Variants in CBLB observed in about 807,000 individuals in gnomAD.
CBLB encodes the protein E3 ubiquitin-protein ligase CBL-B.
In CBLB, 31 loss-of-function variants were observed where a neutral mutation model predicts 104.9. The ratio of observed to expected loss-of-function variants is 0.30; its 90% CI spans 0.22 to 0.40. The LOEUF is 0.40. Ranked by LOEUF, CBLB falls within the 10% of genes least tolerant of loss-of-function variation. CBLB has a pLI of 1.00. For missense variants in CBLB, 1,062 were observed against 1,214.6 expected, an observed-to-expected ratio of 0.87 and a Z score of 1.87; for synonymous variants, 440 against 422.6, an observed-to-expected ratio of 1.04 and a Z score of -0.51.
intron 18 of CBLB, among the ~76,000 whole-genome samples, chr3:105,664,048 C>T (rs373842782): frequency 6.6e-6 from 1 of 151,864 alleles, no homozygotes. Flanking sequence ...TATTTTGCCA[C>T]AAAAAGTCTT....
chr3:105,783,856 T>C (rs1410585182), intron 3 of CBLB, among the ~76,000 whole-genome samples: 9 of 152,200 alleles, frequency 5.9e-5, no homozygotes, highest in African/African-American at 2.2e-4. Flanking sequence ...GTCATTCACA[T>C]GGATTTTGAA....
rs563610031 is a variant in CBLB, at chr3:105,711,732, A to AT, written c.1408-7560dup. ...GAAAGTCCTCTGAAGTAGGAGGAAC[A>AT]TTTTTTTTTCTACTTCTTAATACAG... On this transcript the variant is annotated intron_variant, in intron 10 of 18. Coordinates refer to ENST00000394030, the MANE Select transcript of CBLB (RefSeq NM_170662.5). Among the ~76,000 whole-genome samples, 582 of 151,428 alleles carry AT rather than the reference A, an allele frequency of 3.8e-3. 2 individuals carry two copies. Among genetic ancestry groups the AT allele is most frequent in the African/African-American group, 0.013 (525 of 41,342 alleles).
Position 105,809,537 on chromosome 3 carries a change from A to G in CBLB, c.420-32995T>C, listed in dbSNP as rs577766529. ...TACATACAGTCTACCAAGAATCACAAGCAAAACAATAACCTCATTACCATC... is the reference window on the plus strand; with the variant it reads ...TACATACAGTCTACCAAGAATCACAGGCAAAACAATAACCTCATTACCATC... On this transcript the variant is annotated intron_variant, in intron 3 of 18. Transcript: ENST00000394030. 7.9e-5 allele frequency among the ~76,000 whole-genome samples: 12 copies of G among 152,310 alleles called. No individual in the cohort carries two copies. The South Asian group carries it at 2.5e-3, about 32-fold the overall frequency.
At chr3:105,755,229 C>A (rs2076983608) in intron 4 of CBLB, among the ~76,000 whole-genome samples, 1 of 151,800 alleles carries the variant, frequency 6.6e-6, no homozygotes, top group African/African-American at 2.4e-5. Context: ...CTTCCTGTGT[C>A]CATGTGATCT....
intron 4 of CBLB, among the ~76,000 whole-genome samples, chr3:105,772,461 G>A (rs897310444): frequency 1.3e-5 from 2 of 152,120 alleles, no homozygotes; most frequent in African/African-American, 2.4e-5. Flanking sequence ...CATTAGCTTA[G>A]GCAGAGAATT....
Position 105,796,365 on chromosome 3 carries a change from T to A in CBLB, c.420-19823A>T, listed in dbSNP as rs115043983. On this transcript the variant is annotated intron_variant, in intron 3 of 18. Coordinates refer to ENST00000394030, the MANE Select transcript of CBLB (RefSeq NM_170662.5). ...GAGAAAGAACTTCCCATTCAATAAATGGGTGCTAGGCAAACTGGCTAGCAT... is the reference window on the plus strand; with the variant it reads ...GAGAAAGAACTTCCCATTCAATAAAAGGGTGCTAGGCAAACTGGCTAGCAT... Among the ~76,000 whole-genome samples the A allele has an allele frequency of 5.1e-3, 778 of 152,224 alleles. 6 individuals are homozygous for A. Among genetic ancestry groups the A allele is most frequent in the African/African-American group, 0.018 (738 of 41,568 alleles).
chr3:105,867,718 G>C, intron 1 of CBLB, 127 bp from the exon 2 acceptor site: 1 of 758,922 alleles, frequency 1.3e-6, no homozygotes, highest in South Asian at 1.6e-5. Context: ...CAAAAGTTCC[G>C]GATTCATCTT....
At chr3:105,856,219 A>T (rs1191458597) in intron 2 of CBLB, among the ~76,000 whole-genome samples, 2 of 151,840 alleles carry the variant, frequency 1.3e-5, no homozygotes, top group Non-Finnish European at 2.9e-5. Flanking sequence ...GTGTGGTGGC[A>T]GGTGCCTGTA....
intron 9 of CBLB, among the ~76,000 whole-genome samples, chr3:105,725,482 A>G (rs1392342128): frequency 6.6e-6 from 1 of 152,224 alleles, no homozygotes; most frequent in Non-Finnish European, 1.5e-5. Context: ...GTGGGCATCC[A>G]TCTAATTTAG....
chr3:105,743,370 G>T (rs547062829), intron 6 of CBLB, among the ~76,000 whole-genome samples: 103 of 150,648 alleles, frequency 6.8e-4, no homozygotes, highest in Non-Finnish European at 7.2e-4. Flanking sequence ...TGAGGCATGA[G>T]AATCGTTTGA....
chr3:105,713,680 T>C (rs1250342566), intron 10 of CBLB, among the ~76,000 whole-genome samples: 1 of 152,142 alleles, frequency 6.6e-6, no homozygotes, highest in Non-Finnish European at 1.5e-5. Flanking sequence ...ATAAAGAAAA[T>C]ACCACTATTT....
intron 3 of CBLB, among the ~76,000 whole-genome samples, chr3:105,849,625 A>G (rs758391586): frequency 2.6e-5 from 4 of 152,100 alleles, no homozygotes; most frequent in Non-Finnish European, 5.9e-5. Flanking sequence ...TGAGTTAGAA[A>G]ATGTTTCAAG....
At chr3:105,691,388 T>C (rs1321053031) in intron 13 of CBLB, among the ~76,000 whole-genome samples, 1 of 152,232 alleles carries the variant, frequency 6.6e-6, no homozygotes, top group African/African-American at 2.4e-5. Flanking sequence ...TAATTTTAGA[T>C]GCACTTACCA....
At chr3:105,773,911 G>A (rs1211757783) in intron 4 of CBLB, among the ~76,000 whole-genome samples, 1 of 152,228 alleles carries the variant, frequency 6.6e-6, no homozygotes, top group Non-Finnish European at 1.5e-5. Flanking sequence ...GGGCCACAAG[G>A]CAGGCAGTGC....
At chr3:105,709,718 A>G (rs957083056) in intron 10 of CBLB, among the ~76,000 whole-genome samples, 1 of 151,916 alleles carries the variant, frequency 6.6e-6, no homozygotes, top group Non-Finnish European at 1.5e-5. Context: ...CTTTAACCAT[A>G]TATGTGCTAG....
intron 12 of CBLB, among the ~76,000 whole-genome samples, chr3:105,701,839 C>A (rs1026142172): frequency 6.6e-6 from 1 of 151,610 alleles, no homozygotes; most frequent in Non-Finnish European, 1.5e-5. Flanking sequence ...AAATGAAATA[C>A]GGGAAGGTGA....
chr3:105,738,736 G>T (rs187575581), intron 7 of CBLB, among the ~76,000 whole-genome samples: 182 of 151,232 alleles, frequency 1.2e-3, no homozygotes, highest in African/African-American at 4.2e-3. Context: ...TGTAATCATG[G>T]TAAATCAAAA....
intron 3 of CBLB, among the ~76,000 whole-genome samples, chr3:105,786,468 A>C (rs1028154098): frequency 3.3e-5 from 5 of 152,138 alleles, no homozygotes; most frequent in Non-Finnish European, 5.9e-5. Flanking sequence ...CAAACGGAGA[A>C]GGCATCTCTG....
rs565354241 is a variant in CBLB at position 105,846,627 on chromosome 3, AG to A, written c.419+6786del. Reference sequence around the variant, plus strand: ...AACTGAAAAAATGTAAATTGGAGTCAGGAAGCCAACCAAAGTTACAAAGAAC... The same window carrying A: ...AACTGAAAAAATGTAAATTGGAGTCAGAAGCCAACCAAAGTTACAAAGAAC... On this transcript the variant is annotated intron_variant, in intron 3 of 18. Transcript: ENST00000394030. 5.1e-3 allele frequency among the ~76,000 whole-genome samples: 781 copies of A among 152,250 alleles called. 5 individuals carry two copies. The highest frequency in any genetic ancestry group is 0.018 in the African/African-American group (764 of 41,574).
Sources: gnomAD v4.1 joint callset for allele counts (sites outside exome capture counted in the v4.1 genomes callset) on GRCh38, gnomAD v4.1.1 for gene constraint, MANE v1.5 for transcripts, NCBI Gene and HGNC (gene_info 2026-07-23, HGNC 2026-07-21) for gene names.